The following CCDC186 variants were observed in gnomAD, a reference collection of about 807,000 sequenced individuals.
CCDC186 encodes the protein coiled-coil domain containing 186, also known as coiled-coil domain-containing protein 186.
A neutral mutation model predicts 113.7 loss-of-function variants in CCDC186; 49 were observed. The observed-to-expected ratio is 0.43, with a 90% CI of 0.34 to 0.55. CCDC186 has a LOEUF of 0.55. Among genes scored for constraint, CCDC186 ranks in the 20% least tolerant of loss-of-function variants. CCDC186 has a pLI of 0.02. For synonymous variants in CCDC186, 355 were observed against 345.8 expected (o/e 1.03, Z -0.30); for missense variants, 890 against 1,011.1 (o/e 0.88, Z 1.62).
At chr10:114,136,096 C>T (rs2031251294) in intron 8 of CCDC186, 52 bp downstream of exon 8, 2 of 1,538,584 alleles carry the variant, frequency 1.3e-6, no homozygotes, top group Non-Finnish European at 1.8e-6. Flanking sequence ...CACTATTTCT[C>T]TTTCTGTATT....
intron 1 of CCDC186, chr10:114,168,191 A>G (rs1299299278): frequency 6.6e-6 from 1 of 152,208 alleles, no homozygotes; most frequent in Non-Finnish European, 1.5e-5. Flanking sequence ...GGACCAATTC[A>G]CACTTCGAAA....
At chr10:114,137,507 A>G (rs2031302900) in intron 6 of CCDC186, among the ~76,000 whole-genome samples, 1 of 152,254 alleles carries the variant, frequency 6.6e-6, no homozygotes, top group Non-Finnish European at 1.5e-5. Flanking sequence ...TTTTCAGCAA[A>G]TTACTAGAAG....
chr10:114,128,447 C>T (rs61867772), intron 13 of CCDC186, among the ~76,000 whole-genome samples: 2 of 152,158 alleles, frequency 1.3e-5, no homozygotes, highest in South Asian at 4.1e-4. Flanking sequence ...CATTTTTTCC[C>T]ACTATTGTAA....
chr10:114,165,676 C>T (rs992873295), intron 1 of CCDC186, among the ~76,000 whole-genome samples: 2 of 151,976 alleles, frequency 1.3e-5, no homozygotes, highest in African/African-American at 4.8e-5. Flanking sequence ...GGCGACGGAG[C>T]GAGACTCTGT....
intron 3 of CCDC186, among the ~76,000 whole-genome samples, chr10:114,154,449 GA>G (rs1354278778): frequency 1.3e-5 from 2 of 151,850 alleles, no homozygotes; most frequent in Non-Finnish European, 2.9e-5. Flanking sequence ...GAGACAAAAT[GA>G]ACAATTCCTA....
chr10:114,164,114 A>ATATTTTTTTTT (rs1478462193), intron 1 of CCDC186, among the ~76,000 whole-genome samples: 1 of 79,182 alleles, frequency 1.3e-5, no homozygotes, highest in African/African-American at 4.9e-5. Flanking sequence ...ATATATATAT[A>ATATTTTTTTTT]TTTTTTTTTT....
chr10:114,156,153 C>T (rs770462600), intron 3 of CCDC186, among the ~76,000 whole-genome samples: 1 of 152,176 alleles, frequency 6.6e-6, no homozygotes, highest in Non-Finnish European at 1.5e-5. Context: ...ATGTGGGGAC[C>T]CTAGAGCACA....
At chr10:114,173,343 T>C in intron 1 of CCDC186, 3 of 320,964 alleles carry the variant, frequency 9.3e-6, no homozygotes, top group Non-Finnish European at 1.9e-5. Flanking sequence ...ACCTGCACTG[T>C]TTCCCAAGAT....
chr10:114,173,729 G>A (rs2032598212), intron 1 of CCDC186, among the ~76,000 whole-genome samples: 1 of 152,174 alleles, frequency 6.6e-6, no homozygotes, highest in Non-Finnish European at 1.5e-5. Context: ...ACGCTCTCGA[G>A]GCACAGCCCC....
Position 114,159,472 on chromosome 10 carries a change from G to A in CCDC186, c.633-1792C>T, listed in dbSNP as rs561794277. On this transcript the variant is annotated intron_variant, in intron 2 of 15. Coordinates refer to ENST00000369287, the MANE Select transcript of CCDC186 (RefSeq NM_018017.4). ...ACCCTGGCAAACATGGTGAAACCCC[G>A]TCTCTACTAAAAATACAAAAATTAG... is the stretch of plus-strand genomic sequence containing the variant. Among the ~76,000 whole-genome samples, 51 of 151,744 alleles carry A rather than the reference G, an allele frequency of 3.4e-4. 1 individual carries two copies. Among genetic ancestry groups the A allele is most frequent in the South Asian group, 1.3e-3 (6 of 4,788 alleles).
chr10:114,133,963 G>GT (rs1196912359), intron 10 of CCDC186, among the ~76,000 whole-genome samples: 2 of 152,160 alleles, frequency 1.3e-5, no homozygotes, highest in Admixed American at 1.3e-4. Flanking sequence ...GTGGAGAAAG[G>GT]TAAGACATAA....
At chr10:114,140,767 C>G (rs1443301587) in intron 6 of CCDC186, among the ~76,000 whole-genome samples, 4 of 151,806 alleles carry the variant, frequency 2.6e-5, no homozygotes, top group Admixed American at 2.6e-4. Context: ...TGTTTTTTTT[C>G]TCTTTCATGT....
At chr10:114,142,782 G>A (rs2031511753) in intron 6 of CCDC186, among the ~76,000 whole-genome samples, 1 of 152,276 alleles carries the variant, frequency 6.6e-6, no homozygotes, top group South Asian at 2.1e-4. Flanking sequence ...GACTTGGTGG[G>A]CAGGAACCAG....
chr10:114,163,159 TTGC>T lies in CCDC186; in HGVS notation c.107_109del (p.Ser36del). Reference sequence around the variant, plus strand: ...CAATAGTTTGGACTCATTTTCTAATTTGCTGCTTTCATTGCCAGAAAACAAGTT... The same window carrying T: ...CAATAGTTTGGACTCATTTTCTAATTTGCTTTCATTGCCAGAAAACAAGTT... On this transcript the variant is annotated inframe_deletion, in exon 2 of 16. Transcript: ENST00000369287. The T allele has an allele frequency of 2.5e-6, 4 of 1,614,054 alleles. No individual in the cohort carries two copies. The highest frequency in any genetic ancestry group is 3.4e-6 in the Non-Finnish European group (4 of 1,179,982).
chr10:114,144,421 CAAAAAA>C, intron 6 of CCDC186, 70 bp downstream of exon 6: 1 of 1,315,360 alleles, frequency 7.6e-7, no homozygotes, highest in Non-Finnish European at 1.0e-6. Flanking sequence ...GACTCCGTCT[CAAAAAA>C]AAAACAAAAA....
chr10:114,122,899 T>C lies in CCDC186; in HGVS notation c.*2244A>G, dbSNP rs1273374845. On this transcript the variant is annotated 3_prime_UTR_variant, in exon 16 of 16. Coordinates refer to ENST00000369287, the MANE Select transcript of CCDC186 (RefSeq NM_018017.4). Reference sequence around the variant, plus strand: ...AATATTGTTTGTAATACTTTTCTTCTAAAATTTTCTCATTAAACTTCTCCA... The same window carrying C: ...AATATTGTTTGTAATACTTTTCTTCCAAAATTTTCTCATTAAACTTCTCCA... The C allele has an allele frequency of 1.3e-5, 2 of 152,210 alleles. No homozygotes were observed. Among genetic ancestry groups the C allele is most frequent in the African/African-American group, 4.8e-5 (2 of 41,462 alleles). 9.4% of individuals were successfully genotyped at this position (152,210 alleles called of 1,614,324 possible).
At chr10:114,167,799 T>TTA (rs754034299) in intron 1 of CCDC186, among the ~76,000 whole-genome samples, 1 of 71,296 alleles carries the variant, frequency 1.4e-5, no homozygotes, top group Non-Finnish European at 2.6e-5. Flanking sequence ...CTAATCTCCG[T>TTA]AAAAAAAAAA....
At chr10:114,131,487 C>T in intron 11 of CCDC186, 151 bp from the exon 12 acceptor site, 1 of 637,956 alleles carries the variant, frequency 1.6e-6, no homozygotes, top group East Asian at 3.2e-5. Context: ...GAGCTTCTCA[C>T]AGTTCTCATA....
intron 10 of CCDC186, among the ~76,000 whole-genome samples, chr10:114,133,571 G>A (rs148860598): frequency 1.6e-4 from 24 of 152,290 alleles, no homozygotes; most frequent in East Asian, 1.2e-3. Context: ...AGAGAAGCCT[G>A]CCAAGGAGAT....
Sources: gnomAD v4.1 joint callset for allele counts (sites outside exome capture counted in the v4.1 genomes callset) on GRCh38, gnomAD v4.1.1 for gene constraint, MANE v1.5 for transcripts, NCBI Gene and HGNC (gene_info 2026-07-23, HGNC 2026-07-21) for gene names.